The following KLHL13 variants were observed in gnomAD, a reference collection of about 807,000 sequenced individuals.
KLHL13 encodes kelch-like protein 13.
A neutral mutation model predicts 37.1 loss-of-function variants in KLHL13; 10 were observed. The ratio of observed to expected loss-of-function variants is 0.27; its 90% CI spans 0.17 to 0.46. The LOEUF (loss-of-function observed/expected upper bound fraction) is 0.46, where lower values mean the gene tolerates loss of function less well. KLHL13 is among the 20% of genes least tolerant of loss of function. KLHL13 has a pLI of 1.00. For synonymous variants in KLHL13, 163 were observed against 181.2 expected (o/e 0.90, Z 0.81); for missense variants, 360 against 509.3 (o/e 0.71, Z 2.82).
At chrX:117,905,992 T>C (rs1367381276) in intron 5 of KLHL13, among the ~76,000 whole-genome samples, 1 of 111,591 alleles carries the variant, frequency 9.0e-6, no homozygotes, top group Non-Finnish European at 1.9e-5. Context: ...TGAAGTGATA[T>C]ACTGGTACTA....
At chrX:118,059,117 G>A (rs1160213699) in intron 1 of KLHL13, among the ~76,000 whole-genome samples, 1 of 111,326 alleles carries the variant, frequency 9.0e-6, no homozygotes. Flanking sequence ...CAACAATCCG[G>A]GATCATATAT....
intron 4 of KLHL13, among the ~76,000 whole-genome samples, chrX:117,916,083 G>C (rs926594851): frequency 1.2e-4 from 13 of 111,186 alleles, no homozygotes; most frequent in African/African-American, 4.2e-4. Flanking sequence ...GCTTGAACCT[G>C]GGAGGCGGAG....
At chrX:118,020,563 C>T (rs1222597588) in intron 1 of KLHL13, among the ~76,000 whole-genome samples, 2 of 110,414 alleles carry the variant, frequency 1.8e-5, no homozygotes, top group Non-Finnish European at 3.8e-5. Flanking sequence ...ACTAGTTCAA[C>T]CATTGTGGAA....
chrX:117,946,703 T>C (rs770403464), intron 1 of KLHL13: 5 of 112,487 alleles, frequency 4.4e-5, no homozygotes, highest in Non-Finnish European at 9.4e-5. Context: ...ATTTTTTCTG[T>C]AATTTCCTCA....
At chrX:118,067,337 G>GA (rs2054805938) in intron 1 of KLHL13, among the ~76,000 whole-genome samples, 1 of 110,795 alleles carries the variant, frequency 9.0e-6, no homozygotes, top group African/African-American at 3.3e-5. Context: ...GAAGTTGGTT[G>GA]CTCTGAGTGA....
intron 1 of KLHL13, among the ~76,000 whole-genome samples, chrX:118,011,451 G>A (rs767811009): frequency 1.8e-5 from 2 of 108,160 alleles, no homozygotes; most frequent in South Asian, 8.1e-4. Flanking sequence ...ACTGTCAGGG[G>A]AGAAGGGGAG....
At chrX:118,058,757 A>G (rs1353164892) in intron 1 of KLHL13, among the ~76,000 whole-genome samples, 3 of 112,190 alleles carry the variant, frequency 2.7e-5, no homozygotes, top group African/African-American at 9.7e-5. Flanking sequence ...TCTGACTATT[A>G]AGCCAAACTA....
chrX:117,978,612 G>A (rs2053621128), upstream of KLHL13, among the ~76,000 whole-genome samples: 1 of 110,902 alleles, frequency 9.0e-6, no homozygotes, highest in Admixed American at 9.6e-5. Flanking sequence ...CAAAAATACA[G>A]AGAGACTGAG....
intron 1 of KLHL13, among the ~76,000 whole-genome samples, chrX:118,068,230 C>G (rs751374079): frequency 7.2e-5 from 8 of 111,812 alleles, no homozygotes; most frequent in Admixed American, 1.9e-4. Flanking sequence ...TGGATCCAGC[C>G]TTCAGAACAG....
intron 1 of KLHL13, among the ~76,000 whole-genome samples, chrX:118,031,888 C>T (rs529713066): frequency 6.4e-5 from 7 of 108,603 alleles, no homozygotes; most frequent in African/African-American, 1.7e-4. Flanking sequence ...CTGCGTGCAC[C>T]GTGCGCGAGC....
chrX:117,998,148 A>G (rs1157306027), intron 1 of KLHL13, among the ~76,000 whole-genome samples: 1 of 111,941 alleles, frequency 8.9e-6, no homozygotes, highest in Non-Finnish European at 1.9e-5. Flanking sequence ...AAGATAGAGA[A>G]AGAGAGACAA....
intron 1 of KLHL13, among the ~76,000 whole-genome samples, chrX:117,955,872 G>C (rs1301669471): frequency 9.0e-6 from 1 of 111,476 alleles, no homozygotes; most frequent in African/African-American, 3.3e-5. Context: ...CTCTCAGGTT[G>C]TTAGGAGATG....
chrX:117,916,786 T>C (rs1453630336), intron 4 of KLHL13, among the ~76,000 whole-genome samples: 2 of 112,166 alleles, frequency 1.8e-5, no homozygotes, highest in African/African-American at 3.2e-5. Flanking sequence ...CCAAATAGTG[T>C]TTTGATTATG....
chrX:117,959,350 C>T (rs2053253021), intron 1 of KLHL13, among the ~76,000 whole-genome samples: 1 of 111,870 alleles, frequency 8.9e-6, no homozygotes, highest in South Asian at 3.7e-4. Context: ...TTAGTGTCAT[C>T]CATATACTTT....
chrX:118,054,095 T>C (rs1005371787), intron 1 of KLHL13, among the ~76,000 whole-genome samples: 56 of 111,393 alleles, frequency 5.0e-4, no homozygotes, highest in Non-Finnish European at 7.7e-4. Flanking sequence ...GAGCATTTTA[T>C]AGGGAAAACT....
chrX:118,082,221 C>T (rs2055003494), intron 1 of KLHL13, among the ~76,000 whole-genome samples: 1 of 110,819 alleles, frequency 9.0e-6, no homozygotes. Flanking sequence ...TAATTCACAA[C>T]TCCACCAACA....
intron 1 of KLHL13, among the ~76,000 whole-genome samples, chrX:118,005,609 G>A (rs1319697120): frequency 1.8e-5 from 2 of 111,589 alleles, no homozygotes; most frequent in African/African-American, 6.5e-5. Flanking sequence ...GAGGAGATGT[G>A]AGAAAGATTT....
chrX:118,007,928 TTTTTC>T (rs1406135503), intron 1 of KLHL13, among the ~76,000 whole-genome samples: 1 of 112,071 alleles, frequency 8.9e-6, no homozygotes, highest in Non-Finnish European at 1.9e-5. Context: ...GGTATTAATC[TTTTTC>T]TTTTCATTTT....
chrX:117,907,887 G>C (rs184102375), intron 5 of KLHL13, among the ~76,000 whole-genome samples: 2 of 110,781 alleles, frequency 1.8e-5, no homozygotes, highest in African/African-American at 6.5e-5. Flanking sequence ...TAAAAGCTGA[G>C]AACAGTTATT....
Sources: allele counts gnomAD v4.1 joint callset (sites outside exome capture counted in the v4.1 genomes callset), GRCh38; gene constraint gnomAD v4.1.1; transcripts MANE v1.5; gene names NCBI Gene and HGNC (gene_info 2026-07-23, HGNC 2026-07-21).